CD99L2: variants seen among roughly 807,000 people sequenced by gnomAD.
CD99L2 encodes CD99 molecule like 2.
CD99L2 carries 24 observed loss-of-function variants against 27.3 expected under a neutral mutation model. The ratio of observed to expected loss-of-function variants is 0.88; its 90% CI spans 0.64 to 1.24. The LOEUF (loss-of-function observed/expected upper bound fraction) is 1.24. CD99L2 is among the 50% of genes most tolerant of loss of function. The pLI, the probability that CD99L2 is intolerant of heterozygous loss-of-function variation, is 0.00. For missense variants in CD99L2, 255 were observed against 221.6 expected, an observed-to-expected ratio of 1.15 and a Z score of -0.96; for synonymous variants, 97 against 87.9, an observed-to-expected ratio of 1.10 and a Z score of -0.58.
intron 1 of CD99L2, among the ~76,000 whole-genome samples, chrX:150,892,987 G>C (rs1275715536): frequency 8.9e-6 from 1 of 111,792 alleles, no homozygotes; most frequent in Non-Finnish European, 1.9e-5. Flanking sequence ...AGCCGGGTGT[G>C]ATGGCGGACT....
At chrX:150,801,229 A>G (rs782734533) in intron 4 of CD99L2, among the ~76,000 whole-genome samples, 138 of 111,470 alleles carry the variant, frequency 1.2e-3, no homozygotes, top group African/African-American at 4.3e-3. Context: ...AACACAGATA[A>G]AGACCTGTAT....
intron 4 of CD99L2, among the ~76,000 whole-genome samples, chrX:150,810,536 C>T (rs986287150): frequency 1.8e-5 from 2 of 108,575 alleles, no homozygotes; most frequent in African/African-American, 6.7e-5. Flanking sequence ...ACCTCAGAAA[C>T]CAGAAAATGG....
At position 150,779,154 on chromosome X, in the gene CD99L2, G is replaced by C. The variant is rs919376210; in HGVS notation, c.497-1672C>G. Among the ~76,000 whole-genome samples, 54 of 112,213 alleles carry C rather than the reference G, an allele frequency of 4.8e-4. 1 individual carries two copies. The highest frequency in any genetic ancestry group is 1.1e-3 in the South Asian group (3 of 2,710). On this transcript the variant is annotated intron_variant, in intron 7 of 10. Transcript: ENST00000370377. The stretch of plus-strand genomic sequence containing the variant: ...ATTCCCAGCAACTTAAATATCACAA[G>C]ACTGCGGAGCAACAGGCTGTGAGAA...
intron 1 of CD99L2, among the ~76,000 whole-genome samples, chrX:150,870,761 A>AC (rs1343984754): frequency 4.6e-5 from 5 of 109,520 alleles, no homozygotes; most frequent in Non-Finnish European, 7.6e-5. Flanking sequence ...ACTGCACTGC[A>AC]CCCCCCCATC....
At chrX:150,773,829 C>CA (rs1237085447) in intron 9 of CD99L2, among the ~76,000 whole-genome samples, 1 of 112,536 alleles carries the variant, frequency 8.9e-6, no homozygotes, top group African/African-American at 3.2e-5. Flanking sequence ...CTGGCAGCCC[C>CA]AGTGAACTCA....
chrX:150,830,422 C>T (rs1557421029), intron 2 of CD99L2, among the ~76,000 whole-genome samples: 2 of 110,663 alleles, frequency 1.8e-5, no homozygotes, highest in Non-Finnish European at 3.8e-5. Flanking sequence ...TGTGGTAGCA[C>T]ACACCTATAG....
intron 1 of CD99L2, among the ~76,000 whole-genome samples, chrX:150,893,524 A>G (rs1207451763): frequency 9.2e-6 from 1 of 108,651 alleles, no homozygotes; most frequent in Non-Finnish European, 1.9e-5. Context: ...CGCCCCCCGA[A>G]CCAAGTTCAA....
intron 1 of CD99L2, among the ~76,000 whole-genome samples, chrX:150,846,344 C>T (rs961442816): frequency 8.9e-6 from 1 of 111,792 alleles, no homozygotes; most frequent in East Asian, 2.8e-4. Context: ...ATGAGGATAT[C>T]GGCACTGGTG....
intron 1 of CD99L2, among the ~76,000 whole-genome samples, chrX:150,896,673 G>C (rs2047616096): frequency 8.9e-6 from 1 of 112,506 alleles, no homozygotes; most frequent in African/African-American, 3.2e-5. Context: ...CTTTGTGATT[G>C]TCAGGCATCA....
intron 9 of CD99L2, among the ~76,000 whole-genome samples, chrX:150,772,243 A>G (rs781800066): frequency 8.9e-6 from 1 of 112,937 alleles, no homozygotes; most frequent in East Asian, 2.8e-4. Flanking sequence ...TGGACGGTCC[A>G]GAGACTCCTG....
chrX:150,770,455 T>C, intron 9 of CD99L2, 86 bp from the exon 10 acceptor site: 1 of 897,513 alleles, frequency 1.1e-6, no homozygotes, highest in Non-Finnish European at 1.6e-6. Flanking sequence ...CCAAGTCCTC[T>C]GCAGCTAAAA....
In CD99L2 at chrX:150,872,361, G is replaced by A. The variant is rs138936194; in HGVS notation, c.67+26161C>T. Among the ~76,000 whole-genome samples, 449 of 109,657 alleles carry A rather than the reference G, an allele frequency of 4.1e-3. 4 individuals are homozygous for A. The highest frequency in any genetic ancestry group is 6.9e-3 in the Non-Finnish European group (364 of 52,691). On this transcript the variant is annotated intron_variant, in intron 1 of 10. Transcript: ENST00000370377. ...GTCTTGATATGCACTCATTGAAACT[G>A]ACTGAACTTAAAGATCTTAATATGT... is the stretch of plus-strand genomic sequence containing the variant.
At chrX:150,855,477 T>C (rs2046866236) in intron 1 of CD99L2, among the ~76,000 whole-genome samples, 1 of 111,233 alleles carries the variant, frequency 9.0e-6, no homozygotes, top group Non-Finnish European at 1.9e-5. Flanking sequence ...GGAGAGAGAC[T>C]GTGAGGGGGG....
chrX:150,858,050 T>C (rs2046920495), intron 1 of CD99L2, among the ~76,000 whole-genome samples: 1 of 112,276 alleles, frequency 8.9e-6, no homozygotes, highest in Non-Finnish European at 1.9e-5. Flanking sequence ...TATAGTTACA[T>C]GAGGTAAACT....
chrX:150,814,981 CA>C (rs781873877), intron 3 of CD99L2, 45 bp from the exon 4 acceptor site: 5 of 1,187,172 alleles, frequency 4.2e-6, no homozygotes, highest in Non-Finnish European at 5.7e-6. Context: ...AACTGATTAA[CA>C]ACTGGGTATA....
intron 2 of CD99L2, among the ~76,000 whole-genome samples, chrX:150,824,707 G>GGAA (rs10695052): frequency 0.096 from 8,940 of 93,522 alleles, 585 homozygotes; most frequent in African/African-American, 0.22. Context: ...AAGAGGAAGA[G>GGAA]GAAGAAGAAG....
At chrX:150,872,918 T>G (rs1222781794) in intron 1 of CD99L2, among the ~76,000 whole-genome samples, 2 of 111,985 alleles carry the variant, frequency 1.8e-5, no homozygotes, top group Non-Finnish European at 3.8e-5. Context: ...CCTGTTCAGT[T>G]GGCCCCAACC....
At chrX:150,882,697 T>C (rs2047349972) in intron 1 of CD99L2, among the ~76,000 whole-genome samples, 1 of 110,280 alleles carries the variant, frequency 9.1e-6, no homozygotes, top group African/African-American at 3.3e-5. Context: ...AAAAATTATA[T>C]TCAAAACATG....
chrX:150,797,009 A>T (rs1557419927), intron 4 of CD99L2, among the ~76,000 whole-genome samples: 1 of 111,786 alleles, frequency 8.9e-6, no homozygotes, highest in Non-Finnish European at 1.9e-5. Context: ...TGCAGAGAGA[A>T]GTTTATAGCA....
Sources: allele counts gnomAD v4.1 joint callset (sites outside exome capture counted in the v4.1 genomes callset), GRCh38; gene constraint gnomAD v4.1.1; transcripts MANE v1.5; gene names NCBI Gene and HGNC (gene_info 2026-07-23, HGNC 2026-07-21).